TASOR: variants seen among roughly 807,000 people sequenced by gnomAD.
TASOR encodes the protein protein TASOR.
TASOR carries 53 observed loss-of-function variants against 178.6 expected under a neutral mutation model. The ratio of observed to expected loss-of-function variants is 0.30; its 90% CI spans 0.24 to 0.37. The LOEUF (loss-of-function observed/expected upper bound fraction) is 0.37, where lower values mean the gene tolerates loss of function less well. TASOR is among the 10% of genes least tolerant of loss of function. The pLI is 1.00. For missense variants in TASOR, 1,815 were observed against 1,971.4 expected, an observed-to-expected ratio of 0.92 and a Z score of 1.50; for synonymous variants, 713 against 696.2, an observed-to-expected ratio of 1.02 and a Z score of -0.38.
chr3:56,627,046 T>G lies in TASOR; in HGVS notation c.4130A>C (p.Glu1377Ala). ...VHCKFQKKLK[E>A]LGRLNAKALS... ...ATGTTTCAAAGCTTACCTGCCTAGT[T>G]CCTTTAGTTTCTTCTGAAATTTACA... The change falls in exon 21 of 24, where the codon GAA becomes GCA. Residue 1377 changes from glutamate to alanine, a missense_variant. By Grantham distance (107) the Glu-to-Ala change is moderately radical. Transcript: ENST00000683822. 1 of 1,598,418 alleles carries G rather than the reference T, an allele frequency of 6.3e-7. No individual in the cohort carries two copies. Among genetic ancestry groups the G allele is most frequent in the Non-Finnish European group, 8.6e-7 (1 of 1,167,420 alleles).
Position 56,623,162 on chromosome 3 carries a change from G to T in TASOR, c.4888C>A (p.Gln1630Lys), listed in dbSNP as rs1233179220. ...LGTPYALSSS[Q>K]SQENENYFLS... ...AAGTAATTCTCATTTTCTTGAGACT[G>T]ACTTGATGAAAGGGCATATGGTGTC... The change falls in exon 24 of 24, where the codon CAG becomes AAG. Residue 1630 changes from glutamine (Q) to lysine (K), a missense_variant. Transcript: ENST00000683822. The T allele has an allele frequency of 3.1e-6, 5 of 1,613,614 alleles. No homozygotes were observed. The highest frequency in any genetic ancestry group is 3.4e-6 in the Non-Finnish European group (4 of 1,179,704).
chr3:56,627,473 A>G (rs1304611844), intron 20 of TASOR, 109 bp downstream of exon 20: 2 of 1,215,816 alleles, frequency 1.6e-6, no homozygotes, highest in Non-Finnish European at 2.4e-6. Context: ...AAGCTCAAGA[A>G]AAGACTGAAA....
At chr3:56,634,948 A>G (rs2076987285) in intron 17 of TASOR, among the ~76,000 whole-genome samples, 1 of 152,212 alleles carries the variant, frequency 6.6e-6, no homozygotes, top group Non-Finnish European at 1.5e-5. Flanking sequence ...ATCTTTGCTT[A>G]GAAGACGTAT....
intron 17 of TASOR, among the ~76,000 whole-genome samples, chr3:56,635,824 A>G (rs1315341153): frequency 6.6e-6 from 1 of 152,222 alleles, no homozygotes; most frequent in Non-Finnish European, 1.5e-5. Flanking sequence ...TAGCTAAACA[A>G]CAACCAGTAA....
intron 4 of TASOR, 31 bp downstream of exon 4, chr3:56,670,042 G>C (rs763230544): frequency 8.8e-6 from 12 of 1,359,912 alleles, no homozygotes; most frequent in Admixed American, 2.5e-5. Flanking sequence ...CTTAGTAGTA[G>C]ATATTTATAT....
chr3:56,680,781 C>T (rs2031713807), intron 1 of TASOR, among the ~76,000 whole-genome samples: 1 of 152,046 alleles, frequency 6.6e-6, no homozygotes, highest in African/African-American at 2.4e-5. Flanking sequence ...TTTCACTAAT[C>T]ATGACAAAGT....
intron 2 of TASOR, among the ~76,000 whole-genome samples, chr3:56,673,198 T>A (rs184613917): frequency 6.6e-6 from 1 of 152,236 alleles, no homozygotes; most frequent in South Asian, 2.1e-4. Flanking sequence ...TGCATATTAG[T>A]AACAATTTAA....
chr3:56,677,585 C>A (rs1422663532), intron 1 of TASOR, among the ~76,000 whole-genome samples: 3 of 152,098 alleles, frequency 2.0e-5, no homozygotes, highest in Non-Finnish European at 4.4e-5. Context: ...TTTCTTGTAT[C>A]CTGAAATATA....
chr3:56,645,685 A>G (rs926006093), intron 14 of TASOR, among the ~76,000 whole-genome samples: 2 of 152,204 alleles, frequency 1.3e-5, no homozygotes, highest in Admixed American at 6.5e-5. Flanking sequence ...AACAAAACAA[A>G]GGAAAAAAGA....
At chr3:56,659,975 A>G (rs895547177) in intron 11 of TASOR, among the ~76,000 whole-genome samples, 2 of 151,838 alleles carry the variant, frequency 1.3e-5, no homozygotes, top group African/African-American at 2.4e-5. Flanking sequence ...CCTGGGTTCA[A>G]GCGATTCTCC....
At chr3:56,682,611 G>A in intron 1 of TASOR, 65 bp downstream of exon 1, 1 of 1,372,544 alleles carries the variant, frequency 7.3e-7, no homozygotes, top group Non-Finnish European at 9.7e-7. Flanking sequence ...AGAGGAGATA[G>A]AAAGATTCTA....
chr3:56,638,903 G>T, intron 16 of TASOR, 138 bp from the exon 17 acceptor site: 1 of 779,024 alleles, frequency 1.3e-6, no homozygotes, highest in Non-Finnish European at 2.2e-6. Flanking sequence ...TACTGGTGAT[G>T]ATGGAATATC....
chr3:56,660,935 T>C lies in TASOR; in HGVS notation c.1243A>G (p.Thr415Ala). ...KIPPALFYKETYLGPNEVLKN... is the reference protein window; with the variant it reads ...KIPPALFYKEAYLGPNEVLKN... The stretch of plus-strand genomic sequence containing the variant: ...TTACCTTCATTTGGACCTAAGTATG[T>C]TTCCTTATAAAACAGTGCTGGAGGG... Residue 415 changes from threonine to alanine, a missense_variant, in exon 10 of 24, where the codon ACA becomes GCA. By Grantham distance (58) the Thr-to-Ala change is moderately conservative. Around this residue, in one of 5 missense-constraint regions of TASOR, gnomAD observed 504 missense variants for 645.3 expected, o/e 0.78. Coordinates refer to ENST00000683822, the MANE Select transcript of TASOR (RefSeq NM_001365635.2). 4 of 1,612,066 alleles carry C rather than the reference T, an allele frequency of 2.5e-6. No individual in the cohort carries two copies. The highest frequency in any genetic ancestry group is 2.2e-5 in the East Asian group (1 of 44,782).
intron 7 of TASOR, among the ~76,000 whole-genome samples, chr3:56,665,852 G>C (rs1559847719): frequency 6.6e-6 from 1 of 152,000 alleles, no homozygotes. Flanking sequence ...TGTGCCTGTA[G>C]TCCCAGCTAC....
rs751597218 is a variant in TASOR, at chr3:56,648,781, G to C, written c.1513+41C>G. On this transcript the variant is annotated intron_variant, in intron 13 of 23. Coordinates refer to ENST00000683822, the MANE Select transcript of TASOR (RefSeq NM_001365635.2). ...CTGGAAAATTTCAATGAAATGTTAA[G>C]TATCTATAAGTAACCAGATTTAGAT... is the stretch of plus-strand genomic sequence containing the variant. The C allele has an allele frequency of 4.3e-6, 6 of 1,386,880 alleles. No individual in the cohort carries two copies. In the South Asian group the frequency reaches 7.7e-5, roughly 18 times the overall value. The allele number at this position is 1,386,880 out of a possible 1,614,324, so 85.9% of individuals were successfully genotyped here.
intron 14 of TASOR, among the ~76,000 whole-genome samples, chr3:56,646,044 A>G (rs2077231204): frequency 6.6e-6 from 1 of 152,132 alleles, no homozygotes; most frequent in African/African-American, 2.4e-5. Flanking sequence ...GCTACTCGGG[A>G]GGCTGAGGCA....
At chr3:56,672,165 G>GT (rs2030800195) in intron 2 of TASOR, among the ~76,000 whole-genome samples, 1 of 152,186 alleles carries the variant, frequency 6.6e-6, no homozygotes, top group South Asian at 2.1e-4. Context: ...GGATGGAAGA[G>GT]TGACTTTTTC....
At chr3:56,674,277 G>T (rs1038137607) in intron 1 of TASOR, among the ~76,000 whole-genome samples, 1 of 144,924 alleles carries the variant, frequency 6.9e-6, no homozygotes, top group Admixed American at 7.0e-5. Context: ...AAGGCAGCAA[G>T]ACTGCTTGAG....
At chr3:56,670,964 G>GAAAAAAAAAAAAA (rs2030656736) in intron 3 of TASOR, among the ~76,000 whole-genome samples, 1 of 116,888 alleles carries the variant, frequency 8.6e-6, no homozygotes, top group African/African-American at 3.7e-5. Context: ...AAAAAAAAAG[G>GAAAAAAAAAAAAA]AAAAATGGTT....
Sources: allele counts gnomAD v4.1 joint callset (sites outside exome capture counted in the v4.1 genomes callset), GRCh38; gene constraint gnomAD v4.1.1; regional missense constraint gnomAD v4.1.1; transcripts MANE v1.5; gene names NCBI Gene and HGNC (gene_info 2026-07-23, HGNC 2026-07-21).